EXPH5: variants seen among roughly 807,000 people sequenced by gnomAD.
EXPH5 encodes the protein exophilin-5.
In EXPH5, 42 loss-of-function variants were observed where a neutral mutation model predicts 41.1. That is an observed-to-expected ratio of 1.02 (90% confidence interval 0.80 to 1.32). The LOEUF (loss-of-function observed/expected upper bound fraction) is 1.32. Ranked by LOEUF, EXPH5 falls within the 40% of genes most tolerant of loss-of-function variation. The pLI is 0.00. For synonymous variants in EXPH5, 798 were observed against 833.5 expected (o/e 0.96, Z 0.73); for missense variants, 2,298 against 2,314.5 (o/e 0.99, Z 0.15).
At chr11:108,584,364 A>T (rs2094107373) in intron 1 of EXPH5, among the ~76,000 whole-genome samples, 1 of 152,020 alleles carries the variant, frequency 6.6e-6, no homozygotes, top group Non-Finnish European at 1.5e-5. Flanking sequence ...TGTAATCCCA[A>T]CTACTCAGGA....
chr11:108,581,216 A>T (rs751237746), intron 1 of EXPH5, among the ~76,000 whole-genome samples: 20 of 152,282 alleles, frequency 1.3e-4, no homozygotes, highest in Admixed American at 5.9e-4. Flanking sequence ...AGGTGGAAGG[A>T]CTACTTGAGG....
chr11:108,527,321 A>G (rs1028259240), intron 4 of EXPH5, among the ~76,000 whole-genome samples: 2 of 151,888 alleles, frequency 1.3e-5, no homozygotes, highest in Non-Finnish European at 2.9e-5. Flanking sequence ...AACTGTCTCA[A>G]AAAAAAAGAA....
At chr11:108,569,077 T>C (rs766823355) in intron 1 of EXPH5, among the ~76,000 whole-genome samples, 1 of 152,150 alleles carries the variant, frequency 6.6e-6, no homozygotes, top group Non-Finnish European at 1.5e-5. Context: ...CGTTGCACTC[T>C]GGTGACATTC....
At chr11:108,542,575 A>T (rs2093918381) in intron 1 of EXPH5, among the ~76,000 whole-genome samples, 1 of 152,174 alleles carries the variant, frequency 6.6e-6, no homozygotes, top group Non-Finnish European at 1.5e-5. Context: ...GAACAATGTT[A>T]ATCAATTTAG....
In EXPH5 at chr11:108,576,809, A is replaced by G. The variant is rs1168440574; in HGVS notation, c.119+16609T>C. Among the ~76,000 whole-genome samples, 6 of 152,184 alleles carry G rather than the reference A, an allele frequency of 3.9e-5. No individual in the cohort carries two copies. In the East Asian group the frequency reaches 9.6e-4, roughly 24 times the overall value. On this transcript the variant is annotated intron_variant, in intron 1 of 5. Transcript: ENST00000265843. ...TATAAACTCGTTTCCTTATTGTGCT[A>G]TCAAACACTAGATATTATTCCTTCT...
At chr11:108,606,307 C>A in the EXPH5 span, among the ~76,000 whole-genome samples, 1,736 of 152,292 alleles carry the variant, frequency 0.011, 35 homozygotes, top group African/African-American at 0.037. Flanking sequence ...GCCCAGACAG[C>A]TGGTTTCCTC....
At position 108,514,389 on chromosome 11, in the gene EXPH5, C is replaced by T. The variant is rs750493320; in HGVS notation, c.1118G>A (p.Trp373Ter). Reference sequence around the variant, plus strand: ...GTCTCTAGAGGAATCTGATCTGTTCCATATGATGGATGATAAAGGAGTTCT... The same window carrying T: ...GTCTCTAGAGGAATCTGATCTGTTCTATATGATGGATGATAAAGGAGTTCT... Reference protein sequence around the residue: ...PKRTPLSSIIWNRSDSSRDRE... With the variant: ...PKRTPLSSII The change falls in exon 6 of 6, where the codon TGG (tryptophan) becomes TAG (stop). Residue 373 changes from tryptophan (W) to a stop codon, truncating the protein, a stop_gained. Transcript: ENST00000265843. LOFTEE classifies it low-confidence loss of function (END_TRUNC). 11 of 1,614,104 alleles carry T rather than the reference C, an allele frequency of 6.8e-6. No homozygotes were observed. The highest frequency in any genetic ancestry group is 1.3e-5 in the African/African-American group (1 of 75,050).
At chr11:108,569,638 C>T (rs188786366) in intron 1 of EXPH5, among the ~76,000 whole-genome samples, 27 of 152,218 alleles carry the variant, frequency 1.8e-4, no homozygotes, top group African/African-American at 6.0e-4. Context: ...TGCTCCTGGC[C>T]TGAATGTACT....
At chr11:108,529,249 C>T (rs749300779) in intron 3 of EXPH5, among the ~76,000 whole-genome samples, 1 of 152,130 alleles carries the variant, frequency 6.6e-6, no homozygotes, top group Non-Finnish European at 1.5e-5. Flanking sequence ...AACAAGTATT[C>T]TTTTACTATT....
At chr11:108,523,135 TA>T (rs11350946) in intron 4 of EXPH5, among the ~76,000 whole-genome samples, 20,372 of 152,108 alleles carry the variant, frequency 0.13, 1,539 homozygotes, top group South Asian at 0.24. Flanking sequence ...CTTGGCATCC[TA>T]AAGTGCTGGG....
rs568110833 is a variant in EXPH5 at position 108,540,402 on chromosome 11, G to A, written c.281-1216C>T. On this transcript the variant is annotated intron_variant, in intron 2 of 5. Transcript: ENST00000265843. ...GACATGCTGACTTTATAAATATTAG[G>A]GGAATTTAGGACAAGGGAAAAGTCA... 1.6e-4 allele frequency among the ~76,000 whole-genome samples: 24 copies of A among 152,152 alleles called. No homozygotes were observed. The South Asian group carries it at 4.2e-3, about 26-fold the overall frequency.
At position 108,538,100 on chromosome 11, in the gene EXPH5, A is replaced by G. The variant is rs547347508; in HGVS notation, c.443+924T>C. ...AAGTGAAAAACCCTCCATTCACCCA[A>G]GAGGGGAGGACAGTGGTCTGTTAAA... On this transcript the variant is annotated intron_variant, in intron 3 of 5. Coordinates refer to ENST00000265843, the MANE Select transcript of EXPH5 (RefSeq NM_015065.3). The G allele has an allele frequency of 2.2e-4, 221 of 985,428 alleles. 2 individuals carry two copies. The South Asian group carries it at 5.1e-3, about 23-fold the overall frequency. 61.0% of individuals were successfully genotyped at this position (985,428 alleles called of 1,614,324 possible). A position where few individuals can be genotyped will look rare whatever the true frequency, so the allele number is the denominator to read the frequency against.
intron 1 of EXPH5, among the ~76,000 whole-genome samples, chr11:108,550,603 ATGCTGTCTCTAC>A (rs2093959438): frequency 6.6e-6 from 1 of 152,110 alleles, no homozygotes; most frequent in Non-Finnish European, 1.5e-5. Flanking sequence ...ACATGGAGAA[ATGCTGTCTCTAC>A]TAAAAATATA....
chr11:108,607,368 T>A, the EXPH5 span, among the ~76,000 whole-genome samples: 3 of 152,292 alleles, frequency 2.0e-5, no homozygotes, highest in South Asian at 6.2e-4. Flanking sequence ...AGAAAAGAAT[T>A]CATCATAATT....
At chr11:108,580,649 T>A (rs145362346) in intron 1 of EXPH5, among the ~76,000 whole-genome samples, 1 of 152,172 alleles carries the variant, frequency 6.6e-6, no homozygotes, top group East Asian at 1.9e-4. Context: ...AGATATAGAA[T>A]CAACCTAGGT....
At chr11:108,603,486 G>C in the EXPH5 span, among the ~76,000 whole-genome samples, 1 of 152,126 alleles carries the variant, frequency 6.6e-6, no homozygotes, top group Non-Finnish European at 1.5e-5. Context: ...AGACCAGCCT[G>C]GGCAACATAG....
chr11:108,508,854 C>G lies in EXPH5; in HGVS notation c.*683G>C, dbSNP rs1362122257. On this transcript the variant is annotated 3_prime_UTR_variant, in exon 6 of 6. Transcript: ENST00000265843. ...GCTTACTAGGGATTCAGGTCCTAAT[C>G]TATAACCTCAACATGTGCTTTGACC... The G allele has an allele frequency of 1.3e-5, 2 of 152,236 alleles. No individual in the cohort carries two copies. Among genetic ancestry groups the G allele is most frequent in the African/African-American group, 4.8e-5 (2 of 41,448 alleles). 9.4% of individuals were successfully genotyped at this position (152,236 alleles called of 1,614,324 possible).
At chr11:108,547,659 A>C (rs1008882564) in intron 1 of EXPH5, among the ~76,000 whole-genome samples, 2 of 152,196 alleles carry the variant, frequency 1.3e-5, no homozygotes, top group East Asian at 3.8e-4. Context: ...TTTTGGTGTT[A>C]CTATTTATAA....
chr11:108,524,637 C>T lies in EXPH5; in HGVS notation c.492+3499G>A, dbSNP rs183694071. On this transcript the variant is annotated intron_variant, in intron 4 of 5. Transcript: ENST00000265843. The stretch of plus-strand genomic sequence containing the variant: ...CAAACAAACCTCTGTCATAGAGTAG[C>T]CTTAGAGTACTTGAGAACTTCCTAG... Among the ~76,000 whole-genome samples the T allele has an allele frequency of 2.0e-5, 3 of 152,276 alleles. No homozygotes were observed. The East Asian group carries it at 5.8e-4, about 29-fold the overall frequency.
Sources: allele counts gnomAD v4.1 joint callset (sites outside exome capture counted in the v4.1 genomes callset), GRCh38; gene constraint gnomAD v4.1.1; transcripts MANE v1.5; gene names NCBI Gene and HGNC (gene_info 2026-07-23, HGNC 2026-07-21).